Variants in AFAP1 observed in about 807,000 individuals in gnomAD.
AFAP1 encodes the protein actin filament-associated protein 1.
A neutral mutation model predicts 93.9 loss-of-function variants in AFAP1; 75 were observed. That is an observed-to-expected ratio of 0.80 (90% CI 0.66 to 0.97). AFAP1 has a LOEUF of 0.97. AFAP1 is among the 50% of genes least tolerant of loss of function. The probability of loss-of-function intolerance (pLI) is 0.00; values close to 1 mark genes in which losing one functional copy is unlikely to be tolerated. For missense variants in AFAP1, 1,201 were observed against 1,050.8 expected (o/e 1.14, Z -1.98); for synonymous variants, 517 against 430.7 (o/e 1.20, Z -2.48).
At chr4:7,825,030 A>C (rs1479322634) in intron 6 of AFAP1, among the ~76,000 whole-genome samples, 11 of 152,224 alleles carry the variant, frequency 7.2e-5, no homozygotes, top group Non-Finnish European at 1.5e-4. Context: ...TTGTATTATA[A>C]AACAATTCAT....
intron 7 of AFAP1, among the ~76,000 whole-genome samples, chr4:7,817,533 G>A (rs949307579): frequency 2.0e-5 from 3 of 152,210 alleles, no homozygotes; most frequent in Admixed American, 1.3e-4. Flanking sequence ...GGAGGCTGCA[G>A]TGAGCCAAGA....
chr4:7,789,597 CT>C lies in AFAP1; in HGVS notation c.1413-3287del, dbSNP rs1332534063. 9.9e-4 allele frequency among the ~76,000 whole-genome samples: 138 copies of C among 138,864 alleles called. 2 individuals are homozygous for C. The highest frequency in any genetic ancestry group is 1.2e-3 in the Non-Finnish European group (75 of 65,210). 91.1% of individuals were successfully genotyped at this position (138,864 alleles called of 152,430 possible). On this transcript the variant is annotated intron_variant, in intron 11 of 17. Coordinates refer to ENST00000420658, the MANE Select transcript of AFAP1 (RefSeq NM_001134647.2). ...ATCTCCCCACGCTCCGCACCAGCCG[CT>C]GCTTTCCATCCTCTTCATCCTCACC...
intron 9 of AFAP1, 40 bp downstream of exon 9, chr4:7,809,574 T>G: frequency 1.3e-6 from 2 of 1,590,778 alleles, no homozygotes; most frequent in South Asian, 1.2e-5. Context: ...TGAAACCCAC[T>G]TAGGTGCACG....
At chr4:7,781,661 G>A (rs966032698) in intron 12 of AFAP1, 34 bp from the exon 13 acceptor site, 1 of 1,546,918 alleles carries the variant, frequency 6.5e-7, no homozygotes, top group Admixed American at 2.0e-5. Context: ...TTAGTGACTT[G>A]GACACAGGAA....
intron 16 of AFAP1, among the ~76,000 whole-genome samples, chr4:7,769,749 A>C (rs1479223377): frequency 6.6e-6 from 1 of 152,238 alleles, no homozygotes; most frequent in Non-Finnish European, 1.5e-5. Context: ...TTATGTAAAA[A>C]ATATTGCTCA....
At chr4:7,882,432 C>G (rs529558910) in intron 1 of AFAP1, among the ~76,000 whole-genome samples, 143 of 151,046 alleles carry the variant, frequency 9.5e-4, no homozygotes, top group Middle Eastern at 3.4e-3. Flanking sequence ...AATGTGATAT[C>G]TAAACCGAAT....
At chr4:7,929,342 C>G (rs567149756) in intron 1 of AFAP1, among the ~76,000 whole-genome samples, 1 of 152,310 alleles carries the variant, frequency 6.6e-6, no homozygotes, top group African/African-American at 2.4e-5. Context: ...AAACTACACA[C>G]AGAATTTGCA....
chr4:7,899,544 T>A lies in AFAP1; in HGVS notation c.-2-27464A>T, dbSNP rs140278030. Reference sequence around the variant, plus strand: ...CCTACTAAAGCACATTATAAGAAGCTCCGCTTATATAAAAGAAAACCTCCT... The same window carrying A: ...CCTACTAAAGCACATTATAAGAAGCACCGCTTATATAAAAGAAAACCTCCT... On this transcript the variant is annotated intron_variant, in intron 1 of 17. Coordinates refer to ENST00000420658, the MANE Select transcript of AFAP1 (RefSeq NM_001134647.2). Among the ~76,000 whole-genome samples, 139 of 152,294 alleles carry A rather than the reference T, an allele frequency of 9.1e-4. 1 individual carries two copies. The highest frequency in any genetic ancestry group is 3.3e-3 in the African/African-American group (136 of 41,572).
At chr4:7,792,190 G>C (rs950835262) in intron 11 of AFAP1, among the ~76,000 whole-genome samples, 6 of 152,200 alleles carry the variant, frequency 3.9e-5, no homozygotes, top group Non-Finnish European at 5.9e-5. Context: ...AACGCAGCAA[G>C]TGGTGGTCTC....
At chr4:7,836,478 C>T (rs1712311961) in intron 6 of AFAP1, among the ~76,000 whole-genome samples, 1 of 152,158 alleles carries the variant, frequency 6.6e-6, no homozygotes, top group South Asian at 2.1e-4. Context: ...CAGGGTCTCG[C>T]TCCTATCACC....
chr4:7,843,310 A>G lies in AFAP1; in HGVS notation c.375T>C (p.Tyr125=), dbSNP rs777222145. 5.6e-6 allele frequency: 9 copies of G among 1,613,884 alleles called. No homozygotes were observed. The highest frequency in any genetic ancestry group is 3.3e-5 in the Admixed American group (2 of 59,982). ...CCTTCCCATCCTCCTCCTCTTCATC[A>G]TACGACTCATAAGAGCTGCTCATCG... ...SDAMSSSYES[Y]DEEEEDGKGK... is the part of the protein sequence containing the mutation. The change falls in exon 5 of 18, where the codon TAT becomes TAC. Residue 125 remains tyrosine, a synonymous_variant. Coordinates refer to ENST00000420658, the MANE Select transcript of AFAP1 (RefSeq NM_001134647.2).
At chr4:7,934,631 C>T (rs1721276160) in intron 1 of AFAP1, among the ~76,000 whole-genome samples, 1 of 152,024 alleles carries the variant, frequency 6.6e-6, no homozygotes, top group South Asian at 2.1e-4. Context: ...GAAAGCAGGC[C>T]CGACACCGCA....
chr4:7,886,023 G>A (rs773882250), intron 1 of AFAP1, among the ~76,000 whole-genome samples: 10 of 152,122 alleles, frequency 6.6e-5, no homozygotes, highest in South Asian at 2.1e-4. Context: ...ACAGGCCTCC[G>A]CAGATCATCC....
chr4:7,842,342 G>A (rs1713132430), intron 5 of AFAP1, among the ~76,000 whole-genome samples: 1 of 148,644 alleles, frequency 6.7e-6, no homozygotes, highest in African/African-American at 2.5e-5. Context: ...AGGATTATCT[G>A]CTCCACTAGA....
Position 7,939,807 on chromosome 4 carries a change from G to T in AFAP1, c.-154C>A, listed in dbSNP as rs1051249548. 6.2e-6 allele frequency: 2 copies of T among 323,552 alleles called. No individual in the cohort carries two copies. Among genetic ancestry groups the T allele is most frequent in the Admixed American group, 4.9e-5 (1 of 20,244 alleles). 20.0% of individuals were successfully genotyped at this position (323,552 alleles called of 1,614,324 possible). ...GCCTCAGCCCGTGTACCCCGCTCGA[G>T]ATCCGGCTCGGCTCGCGGAGCTGCA... is the stretch of plus-strand genomic sequence containing the variant. On this transcript the variant is annotated 5_prime_UTR_variant, in exon 1 of 18. Coordinates refer to ENST00000420658, the MANE Select transcript of AFAP1 (RefSeq NM_001134647.2). This position sits in a 1 kb window ranked among gnomAD's most constrained non-coding sequence, Gnocchi z 5.6.
chr4:7,871,867 TATTTTA>T, intron 2 of AFAP1, 79 bp downstream of exon 2: 1 of 1,492,224 alleles, frequency 6.7e-7, no homozygotes, highest in Non-Finnish European at 9.1e-7. Flanking sequence ...CAAATAAATA[TATTTTA>T]GAAAGGTGGT....
chr4:7,907,561 T>A (rs1719487746), intron 1 of AFAP1, among the ~76,000 whole-genome samples: 1 of 152,130 alleles, frequency 6.6e-6, no homozygotes. Context: ...GGTCCAGAAC[T>A]CCTGCAACAA....
At chr4:7,773,035 C>T (rs1330863618) in intron 15 of AFAP1, 25 bp from the exon 16 acceptor site, 2 of 1,598,700 alleles carry the variant, frequency 1.3e-6, no homozygotes, top group Non-Finnish European at 8.5e-7. Flanking sequence ...AACGCCGTTA[C>T]TCCCGCGGCA....
At chr4:7,805,334 G>T (rs1216784297) in intron 9 of AFAP1, among the ~76,000 whole-genome samples, 2 of 152,206 alleles carry the variant, frequency 1.3e-5, no homozygotes, top group African/African-American at 4.8e-5. Flanking sequence ...AGGGACCCTG[G>T]GAATGGCTAC....
Sources: allele counts gnomAD v4.1 joint callset (sites outside exome capture counted in the v4.1 genomes callset), GRCh38; gene constraint gnomAD v4.1.1; non-coding constraint Gnocchi (gnomAD v3.1); transcripts MANE v1.5; gene names NCBI Gene and HGNC (gene_info 2026-07-23, HGNC 2026-07-21).